ADGRA1: variants seen among roughly 807,000 people sequenced by gnomAD.
ADGRA1 encodes G-protein coupled receptor 123.
In ADGRA1, 12 loss-of-function variants were observed where a neutral mutation model predicts 21.3. That is an observed-to-expected ratio of 0.56 (90% CI 0.36 to 0.91). The LOEUF is 0.91. Among genes scored for constraint, ADGRA1 ranks in the 40% least tolerant of loss-of-function variants. The pLI, the probability that ADGRA1 is intolerant of heterozygous loss-of-function variation, is 0.01. For synonymous variants in ADGRA1, 385 were observed against 368.8 expected, an observed-to-expected ratio of 1.04 and a Z score of -0.50; for missense variants, 790 against 805.6, an observed-to-expected ratio of 0.98 and a Z score of 0.23.
chr10:133,127,383 C>A, intron 6 of ADGRA1, 52 bp downstream of exon 6: 1 of 1,351,574 alleles, frequency 7.4e-7, no homozygotes, highest in Non-Finnish European at 1.0e-6. Context: ...GTGGGCTCTG[C>A]CTGAGGTCCC....
chr10:133,102,957 G>A (rs1851824805), intron 5 of ADGRA1, 115 bp downstream of exon 5: 2 of 1,128,382 alleles, frequency 1.8e-6, no homozygotes, highest in African/African-American at 1.6e-5. Flanking sequence ...GGATGATCCG[G>A]TCCATGGGGG....
chr10:133,088,446 T>G, intron 1 of ADGRA1: 2 of 155,792 alleles, frequency 1.3e-5, no homozygotes, highest in Non-Finnish European at 2.8e-5. Flanking sequence ...GATGGTTGAG[T>G]TTGGCTCCGG....
chr10:133,113,956 C>T (rs528484091), intron 5 of ADGRA1, among the ~76,000 whole-genome samples: 13 of 152,348 alleles, frequency 8.5e-5, no homozygotes, highest in African/African-American at 3.1e-4. Context: ...CCCACAGGCA[C>T]GGGGACTTAC....
At chr10:133,102,974 A>G in intron 5 of ADGRA1, 132 bp downstream of exon 5, 1 of 841,234 alleles carries the variant, frequency 1.2e-6, no homozygotes, top group Non-Finnish European at 1.7e-6. Flanking sequence ...GGGGAGGGTC[A>G]GTGTTCCCAG....
intron 4 of ADGRA1, among the ~76,000 whole-genome samples, chr10:133,100,000 C>T (rs548330422): frequency 6.6e-6 from 1 of 152,370 alleles, no homozygotes; most frequent in Non-Finnish European, 1.5e-5. Context: ...CACCTGCCTG[C>T]CACGGCCACG....
intron 2 of ADGRA1, chr10:133,093,271 T>C: frequency 6.4e-7 from 1 of 1,570,994 alleles, no homozygotes; most frequent in Non-Finnish European, 8.6e-7. Flanking sequence ...TAAGTTTTGA[T>C]CAGAAAATTC....
intron 5 of ADGRA1, among the ~76,000 whole-genome samples, chr10:133,122,852 G>T (rs1339726158): frequency 3.3e-5 from 5 of 152,102 alleles, no homozygotes; most frequent in African/African-American, 1.2e-4. Flanking sequence ...CGCGTCCCCA[G>T]GCACACGCGT....
chr10:133,102,168 G>C (rs775216995), intron 4 of ADGRA1: 75 of 452,010 alleles, frequency 1.7e-4, no homozygotes, highest in Admixed American at 9.9e-4. Flanking sequence ...CCGGCCCCGT[G>C]GGGGGCTCAT....
chr10:133,126,587 C>A (rs1052851275), intron 5 of ADGRA1, among the ~76,000 whole-genome samples: 1 of 152,174 alleles, frequency 6.6e-6, no homozygotes, highest in East Asian at 1.9e-4. Context: ...GCACCCGGTC[C>A]GGGACACGCT....
chr10:133,121,237 T>C (rs1265768035), intron 5 of ADGRA1, among the ~76,000 whole-genome samples: 1 of 152,170 alleles, frequency 6.6e-6, no homozygotes, highest in East Asian at 1.9e-4. Flanking sequence ...ACACACGCTG[T>C]TGGAAAAATG....
chr10:133,110,676 A>G (rs1309063308), intron 5 of ADGRA1, among the ~76,000 whole-genome samples: 3 of 152,214 alleles, frequency 2.0e-5, no homozygotes. Flanking sequence ...AAGGGCAAAT[A>G]TTATGCACCC....
intron 5 of ADGRA1, among the ~76,000 whole-genome samples, chr10:133,121,469 CGTGTGTGCATGTGTG>C (rs1213615326): frequency 2.1e-5 from 3 of 141,472 alleles, no homozygotes; most frequent in African/African-American, 8.0e-5. Context: ...TGTCAGTGTG[CGTGTGTGCATGTGTG>C]GTGTGTGCCA....
At chr10:133,124,993 G>A (rs1378369242) in intron 5 of ADGRA1, among the ~76,000 whole-genome samples, 1 of 152,248 alleles carries the variant, frequency 6.6e-6, no homozygotes, top group African/African-American at 2.4e-5. Context: ...CACCACTCCT[G>A]TGTGCTGTGG....
At chr10:133,091,824 G>A (rs1056514013) in intron 2 of ADGRA1, among the ~76,000 whole-genome samples, 15 of 152,284 alleles carry the variant, frequency 9.9e-5, no homozygotes, top group Middle Eastern at 3.4e-3. Context: ...CCAAGGAGAC[G>A]AGGCGGGTAG....
At chr10:133,093,124 A>G (rs1214920298) in intron 2 of ADGRA1, 19 of 1,595,622 alleles carry the variant, frequency 1.2e-5, no homozygotes, top group Non-Finnish European at 1.6e-5. Context: ...TGTGCAGGAA[A>G]GAAGGTTCCT....
intron 2 of ADGRA1, chr10:133,093,006 G>T (rs2135864310): frequency 6.3e-7 from 1 of 1,592,352 alleles, no homozygotes; most frequent in East Asian, 2.2e-5. Context: ...CAGGAAAGAA[G>T]GTTCCTCAGC....
In ADGRA1 at chr10:133,100,912, C is replaced by T. The variant is rs530114775; in HGVS notation, c.256-1785C>T. Reference sequence around the variant, plus strand: ...GACGCGTGACGCCAGGCTCGGGAAGCGGAGGCAGGGGCCGCAGTGGCTGCA... The same window carrying T: ...GACGCGTGACGCCAGGCTCGGGAAGTGGAGGCAGGGGCCGCAGTGGCTGCA... On this transcript the variant is annotated intron_variant, in intron 4 of 6. Coordinates refer to ENST00000392607, the MANE Select transcript of ADGRA1 (RefSeq NM_001083909.3). 2.1e-3 allele frequency among the ~76,000 whole-genome samples: 327 copies of T among 152,290 alleles called. 1 individual carries two copies. Among genetic ancestry groups the T allele is most frequent in the Non-Finnish European group, 3.8e-3 (260 of 68,018 alleles).
At chr10:133,115,651 T>C (rs567780739) in intron 5 of ADGRA1, among the ~76,000 whole-genome samples, 1 of 152,258 alleles carries the variant, frequency 6.6e-6, no homozygotes, top group African/African-American at 2.4e-5. Flanking sequence ...CCGCCGGCAC[T>C]GTGGGGACTC....
chr10:133,095,566 T>G, intron 2 of ADGRA1: 1 of 1,435,564 alleles, frequency 7.0e-7, no homozygotes, highest in South Asian at 1.4e-5. Flanking sequence ...GCCCCTCCGG[T>G]GCCCGCCTGG....
Sources: allele counts gnomAD v4.1 joint callset (sites outside exome capture counted in the v4.1 genomes callset), GRCh38; gene constraint gnomAD v4.1.1; transcripts MANE v1.5; gene names NCBI Gene and HGNC (gene_info 2026-07-23, HGNC 2026-07-21).